EVL: variants seen among roughly 807,000 people sequenced by gnomAD.
The protein encoded by EVL is ena/VASP-like protein.
EVL carries 21 observed loss-of-function variants against 59.6 expected under a neutral mutation model. The ratio of observed to expected loss-of-function variants is 0.35; its 90% confidence interval spans 0.25 to 0.51. The LOEUF (loss-of-function observed/expected upper bound fraction) is 0.51. Ranked by LOEUF, EVL falls within the 20% of genes least tolerant of loss-of-function variation. EVL has a pLI of 0.97. For synonymous variants in EVL, 198 were observed against 203.5 expected, an observed-to-expected ratio of 0.97 and a Z score of 0.23; for missense variants, 462 against 546.6, an observed-to-expected ratio of 0.85 and a Z score of 1.54.
At chr14:100,128,835 C>G (rs536656592) in intron 6 of EVL, 87 bp downstream of exon 6, 6 of 1,183,758 alleles carry the variant, frequency 5.1e-6, no homozygotes, top group Non-Finnish European at 7.3e-6. Context: ...CCCGCATCTG[C>G]GAGACACAGC....
chr14:99,976,302 A>C (rs1478384693), intron 1 of EVL, among the ~76,000 whole-genome samples: 1 of 152,004 alleles, frequency 6.6e-6, no homozygotes, highest in Non-Finnish European at 1.5e-5. Context: ...TCAGCCTCCC[A>C]AAGTGCTAGG....
At chr14:100,143,559 A>G (rs1889331805) in intron 13 of EVL, 142 bp from the exon 14 acceptor site, 2 of 986,230 alleles carry the variant, frequency 2.0e-6, no homozygotes, top group East Asian at 2.6e-5. Flanking sequence ...CCAGAGGTCT[A>G]TGCCAAAGCC....
At position 100,141,803 on chromosome 14, in the gene EVL, GC is replaced by G. The variant is rs1307940654; in HGVS notation, c.1219+14del. ...GAGGAGATCATCGACGGTGAGTGCA[GC>G]CCCACCGGGGAGGGTGGCACCCAGG... On this transcript the variant is annotated intron_variant, in intron 13 of 13. Transcript: ENST00000392920. 4.3e-6 allele frequency: 7 copies of G among 1,612,164 alleles called. No homozygotes were observed. In the African/African-American group the frequency reaches 8.0e-5, roughly 18 times the overall value.
chr14:100,135,867 T>C, intron 8 of EVL, 38 bp from the exon 9 acceptor site: 1 of 1,604,228 alleles, frequency 6.2e-7, no homozygotes, highest in Admixed American at 1.7e-5. Flanking sequence ...TGGCCCCAGG[T>C]GGCCTTCCTA....
intron 1 of EVL, among the ~76,000 whole-genome samples, chr14:100,023,426 C>G (rs1338395433): frequency 7.0e-6 from 1 of 143,756 alleles, no homozygotes; most frequent in Non-Finnish European, 1.5e-5. Flanking sequence ...GTCTCGGGCT[C>G]CAGCAATTCT....
chr14:100,042,056 AATT>A (rs2061475474), intron 1 of EVL, among the ~76,000 whole-genome samples: 1 of 152,254 alleles, frequency 6.6e-6, no homozygotes, highest in African/African-American at 2.4e-5. Flanking sequence ...GGATCATATT[AATT>A]TAAAAAATAT....
In EVL at chr14:100,144,045, G is replaced by A. The variant is rs959174158; in HGVS notation, c.*307G>A. On this transcript the variant is annotated 3_prime_UTR_variant, in exon 14 of 14. Transcript: ENST00000392920. ...CCCTAAGTCACCTGCTTCATTAGAC[G>A]GTTTCCAGGTTTTCTCCCAGGTGAC... 19 of 415,996 alleles carry A rather than the reference G, an allele frequency of 4.6e-5. No homozygotes were observed. The highest frequency in any genetic ancestry group is 6.9e-5 in the Non-Finnish European group (16 of 231,392). The allele number at this position is 415,996 out of a possible 1,614,324, so 25.8% of individuals were successfully genotyped here. A position where few individuals can be genotyped will look rare whatever the true frequency, so the allele number is the denominator to read the frequency against.
intron 1 of EVL, chr14:100,019,420 C>G (rs921053409): frequency 1.9e-6 from 1 of 517,376 alleles, no homozygotes. Flanking sequence ...CTGCATTAAT[C>G]AGACTTGCTG....
chr14:100,123,140 G>A (rs1158388075), intron 3 of EVL, among the ~76,000 whole-genome samples: 2 of 152,212 alleles, frequency 1.3e-5, no homozygotes, highest in Admixed American at 6.5e-5. Flanking sequence ...CCAGTTCCCC[G>A]CTGATTTTAA....
chr14:100,035,516 GT>G (rs2061376011), intron 1 of EVL, among the ~76,000 whole-genome samples: 1 of 151,810 alleles, frequency 6.6e-6, no homozygotes, highest in African/African-American at 2.4e-5. Context: ...ATGTGCTGCC[GT>G]TTTGCATACC....
At chr14:100,089,226 TAA>T (rs1202146416) in intron 2 of EVL, among the ~76,000 whole-genome samples, 2 of 152,212 alleles carry the variant, frequency 1.3e-5, no homozygotes, top group Non-Finnish European at 2.9e-5. Context: ...ACTAATTGAA[TAA>T]AGACATAGAA....
chr14:99,972,380 C>A lies in EVL; in HGVS notation c.5+323C>A, dbSNP rs1216745713. Among the ~76,000 whole-genome samples, 2 of 152,052 alleles carry A rather than the reference C, an allele frequency of 1.3e-5. No individual in the cohort carries two copies. Among genetic ancestry groups the A allele is most frequent in the African/African-American group, 2.4e-5 (1 of 41,410 alleles). On this transcript the variant is annotated intron_variant, in intron 1 of 13. Transcript: ENST00000402714. The surrounding 1 kb of genome is among the most constrained non-coding windows in gnomAD (Gnocchi z 4.4). ...GGCCTGCGGCGGCCTGGGAGGCAGA[C>A]CCCCGCGGGCAGGTGTGGCCGTGTC... is the stretch of plus-strand genomic sequence containing the variant.
intron 8 of EVL, among the ~76,000 whole-genome samples, chr14:100,134,148 C>T (rs1888623469): frequency 6.6e-6 from 1 of 152,240 alleles, no homozygotes; most frequent in South Asian, 2.1e-4. Context: ...CCATACCTTG[C>T]ACATGCTGTG....
chr14:99,982,965 T>G (rs1443474497), intron 1 of EVL, among the ~76,000 whole-genome samples: 1 of 152,188 alleles, frequency 6.6e-6, no homozygotes, highest in Non-Finnish European at 1.5e-5. Context: ...TTCAGAGGGT[T>G]TTGTGAGGAT....
intron 1 of EVL, among the ~76,000 whole-genome samples, chr14:100,008,683 T>A (rs1190995): frequency 0.097 from 14,731 of 152,284 alleles, 1,013 homozygotes; most frequent in East Asian, 0.28. Context: ...ATATATCTTT[T>A]AAAAAATAAC....
intron 2 of EVL, among the ~76,000 whole-genome samples, chr14:100,094,374 G>A (rs549666577): frequency 2.0e-4 from 30 of 152,194 alleles, no homozygotes; most frequent in African/African-American, 7.2e-4. Context: ...CCACTTTGAG[G>A]TTTGGAAAAA....
intron 1 of EVL, among the ~76,000 whole-genome samples, chr14:100,078,596 GA>G (rs1160270944): frequency 1.3e-5 from 2 of 152,056 alleles, no homozygotes; most frequent in Non-Finnish European, 2.9e-5. Flanking sequence ...GCAGGGTAAG[GA>G]AATGGAGAGA....
In EVL at chr14:100,114,749, C is replaced by A. The variant is rs1223429899; in HGVS notation, c.359-8790C>A. On this transcript the variant is annotated intron_variant, in intron 3 of 13. Coordinates refer to ENST00000392920, the MANE Select transcript of EVL (RefSeq NM_016337.3). The surrounding 1 kb of genome is among the most constrained non-coding windows in gnomAD (Gnocchi z 5.0). ...GTAGGTGATGGGAGCCCCTCTCTCT[C>A]CTCCCTGCTCCTCATGGGCCTCTCC... Among the ~76,000 whole-genome samples, 2 of 152,198 alleles carry A rather than the reference C, an allele frequency of 1.3e-5. No individual in the cohort carries two copies. The highest frequency in any genetic ancestry group is 4.8e-5 in the African/African-American group (2 of 41,464).
At chr14:100,100,003 CAAAA>C (rs34709493) in intron 3 of EVL, among the ~76,000 whole-genome samples, 1 of 21,208 alleles carries the variant, frequency 4.7e-5, no homozygotes. Context: ...ACCTTGGGGG[CAAAA>C]AAAAAAAAAA....
Sources: allele counts gnomAD v4.1 joint callset (sites outside exome capture counted in the v4.1 genomes callset), GRCh38; gene constraint gnomAD v4.1.1; non-coding constraint Gnocchi (gnomAD v3.1); transcripts MANE v1.5; gene names NCBI Gene and HGNC (gene_info 2026-07-23, HGNC 2026-07-21).